ADCK1: variants seen among roughly 807,000 people sequenced by gnomAD.
The protein encoded by ADCK1 is aarF domain-containing protein kinase 1.
Under a neutral mutation model 52.3 loss-of-function variants are expected in ADCK1, and 41 were observed. That is an observed-to-expected ratio of 0.78 (90% CI 0.61 to 1.02). The LOEUF (loss-of-function observed/expected upper bound fraction) is 1.02. Among genes scored for constraint, ADCK1 ranks in the 50% least tolerant of loss-of-function variants. ADCK1 has a pLI of 0.00. For missense variants in ADCK1, 658 were observed against 679.5 expected (o/e 0.97, Z 0.35); for synonymous variants, 250 against 274.6 (o/e 0.91, Z 0.89).
At chr14:77,800,479 C>G (rs1293920208) in intron 1 of ADCK1, among the ~76,000 whole-genome samples, 1 of 152,268 alleles carries the variant, frequency 6.6e-6, no homozygotes, top group Non-Finnish European at 1.5e-5. Context: ...TGCAGGCACC[C>G]GAGTGGGCAG....
At chr14:77,885,866 T>C (rs2083135650) in intron 4 of ADCK1, among the ~76,000 whole-genome samples, 1 of 152,150 alleles carries the variant, frequency 6.6e-6, no homozygotes, top group Non-Finnish European at 1.5e-5. Flanking sequence ...GGAAAAGACC[T>C]TTAGGGGCCT....
At chr14:77,825,969 A>G (rs984965907) in intron 3 of ADCK1, among the ~76,000 whole-genome samples, 1 of 152,140 alleles carries the variant, frequency 6.6e-6, no homozygotes. Context: ...TGCTTTACGG[A>G]ATCTGCAGAG....
At position 77,861,315 on chromosome 14, in the gene ADCK1, T is replaced by C. The variant is rs532869517; in HGVS notation, c.423+2036T>C. Among the ~76,000 whole-genome samples, 87 of 152,236 alleles carry C rather than the reference T, an allele frequency of 5.7e-4. No individual in the cohort carries two copies. In the Middle Eastern group the frequency reaches 0.01, roughly 18 times the overall value. The stretch of plus-strand genomic sequence containing the variant: ...CTGCCCTCTTCCTCCTCCTCCCCCT[T>C]GGAAGATGGCATTTGTTCCCTGGTG... On this transcript the variant is annotated intron_variant, in intron 4 of 10. Transcript: ENST00000238561.
chr14:77,836,769 C>CTTTTTTTTTTTTTTT (rs1293120244), intron 3 of ADCK1, among the ~76,000 whole-genome samples: 3 of 75,280 alleles, frequency 4.0e-5, no homozygotes, highest in South Asian at 4.5e-4. Context: ...TTCTTTCTTT[C>CTTTTTTTTTTTTTTT]TTTCTTTTTT....
intron 8 of ADCK1, 52 bp from the exon 9 acceptor site, chr14:77,925,712 C>G: frequency 6.3e-7 from 1 of 1,583,874 alleles, no homozygotes. Context: ...GGGACTTGGG[C>G]CTTTGGTGGG....
rs193225064 is a variant in ADCK1, at chr14:77,816,839, C to T, written c.-11-2129C>T. Among the ~76,000 whole-genome samples, 440 of 141,474 alleles carry T rather than the reference C, an allele frequency of 3.1e-3. 4 individuals are homozygous for T. The highest frequency in any genetic ancestry group is 0.01 in the African/African-American group (415 of 39,542). 92.8% of individuals were successfully genotyped at this position (141,474 alleles called of 152,430 possible). On this transcript the variant is annotated intron_variant, in intron 1 of 10. Transcript: ENST00000238561. ...GATGCAGTCTTGGGGACTGGGCCCT[C>T]AACCCATGGGATCTGACACCATCTC...
At chr14:77,864,730 T>C (rs997098823) in intron 4 of ADCK1, among the ~76,000 whole-genome samples, 2 of 151,580 alleles carry the variant, frequency 1.3e-5, no homozygotes, top group Admixed American at 6.6e-5. Flanking sequence ...GAGAGACTGA[T>C]TGATGTTAAG....
At position 77,874,036 on chromosome 14, in the gene ADCK1, G is replaced by A. The variant is rs1051183772; in HGVS notation, c.424-13055G>A. Among the ~76,000 whole-genome samples the A allele has an allele frequency of 3.9e-5, 6 of 152,170 alleles. No individual in the cohort carries two copies. The South Asian group carries it at 6.2e-4, about 16-fold the overall frequency. ...CTAATACCCAAGGTGAGGTGACTTC[G>A]CTGAGGTCCCACAGCTGGGTGGTGG... On this transcript the variant is annotated intron_variant, in intron 4 of 10. Coordinates refer to ENST00000238561, the MANE Select transcript of ADCK1 (RefSeq NM_020421.4).
At chr14:77,895,601 G>T (rs2083391816) in intron 5 of ADCK1, among the ~76,000 whole-genome samples, 2 of 152,302 alleles carry the variant, frequency 1.3e-5, no homozygotes, top group East Asian at 3.9e-4. Flanking sequence ...TTGTCAAAAA[G>T]AAAAATTGAA....
At chr14:77,814,719 A>G (rs1273854247) in intron 1 of ADCK1, among the ~76,000 whole-genome samples, 1 of 148,840 alleles carries the variant, frequency 6.7e-6, no homozygotes, top group Non-Finnish European at 1.5e-5. Flanking sequence ...AAAAAAAAAA[A>G]GAAGAAAAAT....
intron 1 of ADCK1, among the ~76,000 whole-genome samples, chr14:77,802,999 T>G (rs555166177): frequency 3.5e-4 from 53 of 152,124 alleles, no homozygotes; most frequent in Non-Finnish European, 5.9e-4. Flanking sequence ...TACATTACTA[T>G]CTTAGGGAGG....
At chr14:77,901,423 T>C (rs1035551491) in intron 6 of ADCK1, among the ~76,000 whole-genome samples, 1 of 150,552 alleles carries the variant, frequency 6.6e-6, no homozygotes, top group Non-Finnish European at 1.5e-5. Flanking sequence ...AGAGTCTCAC[T>C]CTGTCACCCA....
chr14:77,849,437 A>G (rs1221758660), intron 3 of ADCK1, among the ~76,000 whole-genome samples: 1 of 151,172 alleles, frequency 6.6e-6, no homozygotes, highest in Admixed American at 6.6e-5. Flanking sequence ...GAACGGTGTT[A>G]TTTAGTTTTC....
At chr14:77,894,733 CTTGTTTTTTTTTT>C (rs2083364435) in intron 5 of ADCK1, among the ~76,000 whole-genome samples, 1 of 38,404 alleles carries the variant, frequency 2.6e-5, no homozygotes, top group African/African-American at 7.6e-5. Flanking sequence ...CTTTTCTTTT[CTTGTTTTTTTTTT>C]TTTTTTTTTT....
chr14:77,904,112 A>G (rs12590199), intron 6 of ADCK1, among the ~76,000 whole-genome samples: 54,857 of 152,004 alleles, frequency 0.36, 11,058 homozygotes, highest in East Asian at 0.61. Context: ...TGTGAATTCC[A>G]GTGAACCGTC....
chr14:77,862,528 A>T (rs2082573629), intron 4 of ADCK1, among the ~76,000 whole-genome samples: 1 of 152,202 alleles, frequency 6.6e-6, no homozygotes, highest in Admixed American at 6.5e-5. Flanking sequence ...GCAGGCTGAC[A>T]TCTCTACACC....
intron 5 of ADCK1, among the ~76,000 whole-genome samples, chr14:77,891,352 G>A (rs2083280304): frequency 6.6e-6 from 1 of 152,178 alleles, no homozygotes; most frequent in African/African-American, 2.4e-5. Flanking sequence ...AGACCTGGGA[G>A]ACTTGGAGGA....
chr14:77,883,648 G>C (rs567401945), intron 4 of ADCK1, among the ~76,000 whole-genome samples: 2 of 152,170 alleles, frequency 1.3e-5, no homozygotes, highest in African/African-American at 2.4e-5. Flanking sequence ...GGGTGTGGGC[G>C]TGTGACTTGC....
At chr14:77,833,452 G>A (rs1199527892) in intron 3 of ADCK1, among the ~76,000 whole-genome samples, 3 of 152,144 alleles carry the variant, frequency 2.0e-5, no homozygotes, top group African/African-American at 4.8e-5. Flanking sequence ...TGGCTTTCTC[G>A]GAGTTTGTGA....
Sources: allele counts gnomAD v4.1 joint callset (sites outside exome capture counted in the v4.1 genomes callset), GRCh38; gene constraint gnomAD v4.1.1; transcripts MANE v1.5; gene names NCBI Gene and HGNC (gene_info 2026-07-23, HGNC 2026-07-21).